TENM2: variants seen among roughly 807,000 people sequenced by gnomAD.
TENM2 encodes teneurin-2.
A neutral mutation model predicts 245.2 loss-of-function variants in TENM2; 52 were observed. The observed-to-expected ratio is 0.21, with a 90% confidence interval of 0.17 to 0.27. The LOEUF (loss-of-function observed/expected upper bound fraction) is 0.27. Ranked by LOEUF, TENM2 falls within the 10% of genes least tolerant of loss-of-function variation. The probability of loss-of-function intolerance (pLI) is 1.00; values close to 1 mark genes in which losing one functional copy is unlikely to be tolerated. For synonymous variants in TENM2, 1,363 were observed against 1,438.9 expected, an observed-to-expected ratio of 0.95 and a Z score of 1.19; for missense variants, 3,046 against 3,666.8, an observed-to-expected ratio of 0.83 and a Z score of 4.37.
intron 2 of TENM2, among the ~76,000 whole-genome samples, chr5:167,521,500 A>C (rs1770754116): frequency 6.6e-6 from 1 of 152,192 alleles, no homozygotes; most frequent in Non-Finnish European, 1.5e-5. Context: ...TTCATCATAT[A>C]CAGGTTTATT....
intron 1 of TENM2, among the ~76,000 whole-genome samples, chr5:167,335,942 A>C (rs1757725848): frequency 6.6e-6 from 1 of 152,266 alleles, no homozygotes; most frequent in East Asian, 1.9e-4. Context: ...TAATAGAGAT[A>C]CTATCATGAC....
intron 5 of TENM2, among the ~76,000 whole-genome samples, chr5:167,996,462 T>C (rs1428113429): frequency 6.6e-6 from 1 of 152,162 alleles, no homozygotes; most frequent in Middle Eastern, 3.2e-3. Flanking sequence ...GGAATACTGG[T>C]TTAGGAGAAT....
the TENM2 span, among the ~76,000 whole-genome samples, chr5:167,016,083 T>A: frequency 1.3e-5 from 2 of 151,632 alleles, no homozygotes; most frequent in Admixed American, 1.3e-4. Context: ...TGAAACTCCG[T>A]CTCTACTAAA....
chr5:168,072,923 G>A (rs1791148243), intron 7 of TENM2, among the ~76,000 whole-genome samples: 1 of 152,180 alleles, frequency 6.6e-6, no homozygotes, highest in Middle Eastern at 3.2e-3. Flanking sequence ...CGCTTCAGCT[G>A]GTTGTCGAGA....
At chr5:167,055,175 T>A in the TENM2 span, among the ~76,000 whole-genome samples, 47 of 152,158 alleles carry the variant, frequency 3.1e-4, no homozygotes, top group African/African-American at 9.6e-4. Context: ...TGCATTTAGA[T>A]CTCTGATCCA....
chr5:168,069,220 C>T (rs1054577233), intron 7 of TENM2, among the ~76,000 whole-genome samples: 1 of 152,176 alleles, frequency 6.6e-6, no homozygotes, highest in Non-Finnish European at 1.5e-5. Flanking sequence ...TTTATCTGAG[C>T]AGACACACAT....
chr5:167,337,940 C>T (rs186494554), intron 1 of TENM2, among the ~76,000 whole-genome samples: 7 of 152,134 alleles, frequency 4.6e-5, no homozygotes, highest in Admixed American at 2.6e-4. Context: ...TAGTGTTAAA[C>T]AAGGTTAGGT....
chr5:167,827,997 C>T (rs1315990143), intron 2 of TENM2, among the ~76,000 whole-genome samples: 1 of 152,188 alleles, frequency 6.6e-6, no homozygotes, highest in Non-Finnish European at 1.5e-5. Flanking sequence ...CAAACAATCC[C>T]TTATCCAACC....
chr5:167,591,789 A>G (rs545762469), intron 2 of TENM2, among the ~76,000 whole-genome samples: 3 of 152,238 alleles, frequency 2.0e-5, no homozygotes, highest in Admixed American at 1.3e-4. Context: ...AGCCACTCAC[A>G]GAATGATAGT....
chr5:168,163,893 A>G (rs1393266213), intron 13 of TENM2, among the ~76,000 whole-genome samples: 3 of 152,144 alleles, frequency 2.0e-5, no homozygotes, highest in Non-Finnish European at 4.4e-5. Flanking sequence ...CTTAGCCTAG[A>G]TGGGTCCTGG....
At chr5:167,844,644 A>T (rs1769861368) in intron 2 of TENM2, among the ~76,000 whole-genome samples, 1 of 152,174 alleles carries the variant, frequency 6.6e-6, no homozygotes, top group South Asian at 2.1e-4. Flanking sequence ...TGGCATTTTC[A>T]ACTGAAATAT....
rs180809626 is a variant in TENM2, at chr5:167,631,708, G to A, written c.503-244278G>A. 2.6e-5 allele frequency among the ~76,000 whole-genome samples: 4 copies of A among 151,950 alleles called. No individual in the cohort carries two copies. The East Asian group carries it at 5.8e-4, about 22-fold the overall frequency. On this transcript the variant is annotated intron_variant, in intron 2 of 28. Coordinates refer to ENST00000518659, the Ensembl canonical transcript of TENM2. The stretch of plus-strand genomic sequence containing the variant: ...GCTCTCACTAGACCTCACCCCCCTG[G>A]GCTTTGCCTATTCTATTTATTTTGC...
rs941081181 is a variant in TENM2 at position 168,215,473 on chromosome 5, C to A, written c.4078+201C>A. ...CATGAGGTCAGGAGATGGAGACTAT[C>A]CTGGCTAACATGGTGAAACCCCATC... On this transcript the variant is annotated intron_variant, in intron 21 of 28. Transcript: ENST00000518659. Among the ~76,000 whole-genome samples, 7 of 152,196 alleles carry A rather than the reference C, an allele frequency of 4.6e-5. No individual in the cohort carries two copies. In the South Asian group the frequency reaches 1.5e-3, roughly 32 times the overall value.
intron 2 of TENM2, among the ~76,000 whole-genome samples, chr5:167,832,805 T>C (rs958421469): frequency 2.0e-5 from 3 of 152,240 alleles, no homozygotes; most frequent in African/African-American, 7.2e-5. Context: ...CAGCTTGTAC[T>C]AGCTTGTAAA....
the TENM2 span, among the ~76,000 whole-genome samples, chr5:167,196,945 T>A: frequency 6.6e-6 from 1 of 151,866 alleles, no homozygotes; most frequent in East Asian, 1.9e-4. Context: ...TGCCTGTAAC[T>A]GACTGTCTCA....
chr5:167,026,469 AGTT>A, the TENM2 span, among the ~76,000 whole-genome samples: 26 of 152,100 alleles, frequency 1.7e-4, no homozygotes, highest in Non-Finnish European at 3.4e-4. Context: ...GCTGAATGTC[AGTT>A]GTTGTTTATC....
At chr5:167,977,912 G>T (rs752459071) in intron 4 of TENM2, among the ~76,000 whole-genome samples, 3 of 152,160 alleles carry the variant, frequency 2.0e-5, no homozygotes, top group Non-Finnish European at 4.4e-5. Flanking sequence ...GGAGGTGTTT[G>T]GGTCATGGGG....
intron 5 of TENM2, among the ~76,000 whole-genome samples, chr5:168,042,827 G>A (rs1305920451): frequency 2.6e-5 from 4 of 152,148 alleles, no homozygotes; most frequent in South Asian, 2.1e-4. Context: ...CCAATTAGCC[G>A]GAGGGATACT....
At chr5:167,059,774 G>C in the TENM2 span, among the ~76,000 whole-genome samples, 1 of 149,696 alleles carries the variant, frequency 6.7e-6, no homozygotes, top group Non-Finnish European at 1.5e-5. Context: ...CGTGATCTCA[G>C]CTCACTGCAA....
Sources: gnomAD v4.1 joint callset for allele counts (sites outside exome capture counted in the v4.1 genomes callset) on GRCh38, gnomAD v4.1.1 for gene constraint, MANE v1.5 for transcripts, NCBI Gene and HGNC (gene_info 2026-07-23, HGNC 2026-07-21) for gene names.